HSD17B1: variants seen among roughly 807,000 people sequenced by gnomAD.
HSD17B1 encodes the protein 17-beta-hydroxysteroid dehydrogenase type 1.
Under a neutral mutation model 22.7 loss-of-function variants are expected in HSD17B1, and 16 were observed. The observed-to-expected ratio is 0.71, with a 90% CI of 0.48 to 1.07. The LOEUF (loss-of-function observed/expected upper bound fraction) is 1.07, where lower values mean the gene tolerates loss of function less well. Ranked by LOEUF, HSD17B1 falls within the 50% of genes least tolerant of loss-of-function variation. The probability of loss-of-function intolerance (pLI) is 0.00; values close to 1 mark genes in which losing one functional copy is unlikely to be tolerated. For missense variants in HSD17B1, 533 were observed against 459.9 expected (o/e 1.16, Z -1.45); for synonymous variants, 243 against 211.0 (o/e 1.15, Z -1.31).
Position 42,554,902 on chromosome 17 carries a change from C to A in HSD17B1, c.951C>A (p.Asp317Glu). 1 of 1,503,938 alleles carries A rather than the reference C, an allele frequency of 6.6e-7. No homozygotes were observed. Among genetic ancestry groups the A allele is most frequent in the Admixed American group, 2.3e-5 (1 of 42,680 alleles). The allele number at this position is 1,503,938 out of a possible 1,614,324, so 93.2% of individuals were successfully genotyped here. ...EDEAGRGAVG[D>E]PELGDPPAAP... Reference sequence around the variant, plus strand: ...AGGCCGGGCGCGGTGCGGTGGGGGACCCTGAGCTCGGCGATCCTCCGGCCG... The same window carrying A: ...AGGCCGGGCGCGGTGCGGTGGGGGAACCTGAGCTCGGCGATCCTCCGGCCG... The change falls in exon 6 of 6, where the codon GAC becomes GAA. Residue 317 changes from aspartate (D) to glutamate (E), a missense_variant. Asp to Glu is a conservative substitution (Grantham distance 45). Transcript: ENST00000585807.
intron 4 of HSD17B1, 24 bp downstream of exon 4, chr17:42,553,911 G>A (rs780199492): frequency 3.1e-6 from 5 of 1,592,816 alleles, no homozygotes; most frequent in Admixed American, 3.4e-5. Context: ...CCCGTTCCCC[G>A]AACCCTCTTA....
At position 42,553,149 on chromosome 17, in the gene HSD17B1, A is replaced by G; in HGVS notation, c.123A>G (p.Lys41=). 2 of 1,613,796 alleles carry G rather than the reference A, an allele frequency of 1.2e-6. No individual in the cohort carries two copies. Among genetic ancestry groups the G allele is most frequent in the Non-Finnish European group, 1.7e-6 (2 of 1,179,956 alleles). The part of the protein sequence containing the change: ...FKVYATLRDL[K]TQGRLWEAAR... ...TGTATGCCACGTTGAGGGACCTGAA[A>G]ACACAGGGCCGGCTGTGGGAGGCGG... Residue 41 remains lysine (K), a synonymous_variant, in exon 2 of 6, where the codon AAA becomes AAG. Coordinates refer to ENST00000585807, the MANE Select transcript of HSD17B1 (RefSeq NM_000413.4).
Position 42,554,547 on chromosome 17 carries a change from C to T in HSD17B1, c.682C>T (p.Arg228Cys), listed in dbSNP as rs1157126605. 6.2e-7 allele frequency: 1 copy of T among 1,613,958 alleles called. No individual in the cohort carries two copies. The highest frequency in any genetic ancestry group is 1.7e-5 in the Admixed American group (1 of 60,018). Residue 228 changes from arginine (R) to cysteine (C), a missense_variant, in exon 5 of 6, where the codon CGC becomes TGC. Coordinates refer to ENST00000585807, the MANE Select transcript of HSD17B1 (RefSeq NM_000413.4). ...CCTCGCCCACAGCAAGCAAGTCTTT[C>T]GCGAGGCGGCGCAGAACCCTGAGGA... is the stretch of plus-strand genomic sequence containing the variant. ...QYLAHSKQVF[R>C]EAAQNPEEVA... is the part of the protein sequence containing the mutation.
In HSD17B1 at chr17:42,554,924, G is replaced by A. The variant is rs1329811312; in HGVS notation, c.973G>A (p.Ala325Thr). The A allele has an allele frequency of 1.4e-6, 2 of 1,474,672 alleles. No homozygotes were observed. Among genetic ancestry groups the A allele is most frequent in the Non-Finnish European group, 8.9e-7 (1 of 1,121,592 alleles). The allele number at this position is 1,474,672 out of a possible 1,614,324, so 91.3% of individuals were successfully genotyped here. The change falls in exon 6 of 6, where the codon GCC becomes ACC. Residue 325 changes from alanine to threonine, a missense_variant. Coordinates refer to ENST00000585807, the MANE Select transcript of HSD17B1 (RefSeq NM_000413.4). ...GGACCCTGAGCTCGGCGATCCTCCGGCCGCCCCGCAGTAAAGGCTTCCTCA... is the reference window on the plus strand; with the variant it reads ...GGACCCTGAGCTCGGCGATCCTCCGACCGCCCCGCAGTAAAGGCTTCCTCA... The part of the protein sequence containing the change: ...VGDPELGDPP[A>T]APQ
Position 42,554,396 on chromosome 17 carries a change from G to T in HSD17B1, c.540-9G>T. 6.3e-7 allele frequency: 1 copy of T among 1,592,694 alleles called. No homozygotes were observed. On this transcript the variant is annotated splice_polypyrimidine_tract_variant and intron_variant, in intron 4 of 5. Transcript: ENST00000585807. ...CGCCCCCTCCCACTCGTTGCTCTCC[G>T]GCCAGCAGCTTGAGCCTGATCGAGT...
In HSD17B1 at chr17:42,554,293, G is replaced by C. The variant is rs2092954889; in HGVS notation, c.540-112G>C. Reference sequence around the variant, plus strand: ...CCGCCTCACTTCCCAGCGCAGCGGTGCTGCTCGCGGTCGGGGGCCGGGACG... The same window carrying C: ...CCGCCTCACTTCCCAGCGCAGCGGTCCTGCTCGCGGTCGGGGGCCGGGACG... On this transcript the variant is annotated intron_variant, in intron 4 of 5. Coordinates refer to ENST00000585807, the MANE Select transcript of HSD17B1 (RefSeq NM_000413.4). 8 of 1,399,170 alleles carry C rather than the reference G, an allele frequency of 5.7e-6. No individual in the cohort carries two copies. In the South Asian group the frequency reaches 1.1e-4, roughly 20 times the overall value. The allele number at this position is 1,399,170 out of a possible 1,614,324, so 86.7% of individuals were successfully genotyped here.
Position 42,553,218 on chromosome 17 carries a change from G to A in HSD17B1, c.192G>A (p.Gln64=), listed in dbSNP as rs1282050770. ...CTCCGGGATCCCTGGAGACGTTGCAGCTGGACGTAAGGGACTCAAAATCCG... is the reference window on the plus strand; with the variant it reads ...CTCCGGGATCCCTGGAGACGTTGCAACTGGACGTAAGGGACTCAAAATCCG... ...ACPPGSLETL[Q]LDVRDSKSVA... The change falls in exon 2 of 6, where the codon CAG becomes CAA. Residue 64 remains glutamine (Q), a synonymous_variant. Coordinates refer to ENST00000585807, the MANE Select transcript of HSD17B1 (RefSeq NM_000413.4). The A allele has an allele frequency of 6.2e-7, 1 of 1,613,708 alleles. No individual in the cohort carries two copies. The highest frequency in any genetic ancestry group is 8.5e-7 in the Non-Finnish European group (1 of 1,180,026).
intron 4 of HSD17B1, 148 bp from the exon 5 acceptor site, chr17:42,554,257 C>T: frequency 3.5e-6 from 4 of 1,146,078 alleles, no homozygotes; most frequent in Non-Finnish European, 4.8e-6. Context: ...TGGTTATCCC[C>T]AGCGCCCTTT....
Position 42,552,966 on chromosome 17 carries a change from T to C in HSD17B1, c.33T>C (p.Cys11=). The part of the protein sequence containing the change: MARTVVLITG[C]SSGIGLHLAV... ...GCACCGTGGTGCTCATCACCGGCTG[T>C]TCCTCGGGCATCGGCCTGCACTTGG... The change falls in exon 1 of 6, where the codon TGT becomes TGC. Residue 11 remains cysteine, a synonymous_variant. Coordinates refer to ENST00000585807, the MANE Select transcript of HSD17B1 (RefSeq NM_000413.4). The C allele has an allele frequency of 6.2e-7, 1 of 1,614,130 alleles. No homozygotes were observed. The highest frequency in any genetic ancestry group is 8.5e-7 in the Non-Finnish European group (1 of 1,180,008).
At chr17:42,554,648 G>T in intron 5 of HSD17B1, 21 bp from the exon 6 acceptor site, 1 of 1,605,448 alleles carries the variant, frequency 6.2e-7, no homozygotes, top group Non-Finnish European at 8.5e-7. Context: ...GGTGGCCACA[G>T]CTCTCCTCCC....
Position 42,554,599 on chromosome 17 carries a change from A to T in HSD17B1, c.717+17A>T. On this transcript the variant is annotated intron_variant, in intron 5 of 5. Coordinates refer to ENST00000585807, the MANE Select transcript of HSD17B1 (RefSeq NM_000413.4). ...GTGGCGGAGGTGAGCGCCGGGCTGGACTCCAGGAGTGGGGGCGGTGCGTCC... is the reference window on the plus strand; with the variant it reads ...GTGGCGGAGGTGAGCGCCGGGCTGGTCTCCAGGAGTGGGGGCGGTGCGTCC... The T allele has an allele frequency of 6.2e-7, 1 of 1,609,902 alleles. No homozygotes were observed. The highest frequency in any genetic ancestry group is 8.5e-7 in the Non-Finnish European group (1 of 1,178,084).
At chr17:42,554,621 G>T in intron 5 of HSD17B1, 39 bp downstream of exon 5, 1 of 1,606,804 alleles carries the variant, frequency 6.2e-7, no homozygotes, top group Non-Finnish European at 8.5e-7. Context: ...GGGGCGGTGC[G>T]TCCTCCGGCG....
rs1319255507 is a variant in HSD17B1, at chr17:42,554,814, T to A, written c.863T>A (p.Val288Asp). 5.6e-6 allele frequency: 9 copies of A among 1,600,938 alleles called. No individual in the cohort carries two copies. Among genetic ancestry groups the A allele is most frequent in the Non-Finnish European group, 7.6e-6 (9 of 1,179,536 alleles). ...ATGCACCGGGAAGTGTTCGGCGACG[T>A]TCCGGCAAAGGCCGAGGCTGGGGCC... ...TAMHREVFGD[V>D]PAKAEAGAEA... The change falls in exon 6 of 6, where the codon GTT (valine) becomes GAT (aspartate). Residue 288 changes from valine (V) to aspartate (D), a missense_variant. Coordinates refer to ENST00000585807, the MANE Select transcript of HSD17B1 (RefSeq NM_000413.4).
In HSD17B1 at chr17:42,553,112, C is replaced by G; in HGVS notation, c.98-12C>G. ...GGGAAGTCAGATCTTCCTCCTCTCC[C>G]AAAACCTCCAGTGTATGCCACGTTG... On this transcript the variant is annotated splice_polypyrimidine_tract_variant and intron_variant, in intron 1 of 5. Coordinates refer to ENST00000585807, the MANE Select transcript of HSD17B1 (RefSeq NM_000413.4). 1.2e-6 allele frequency: 2 copies of G among 1,613,944 alleles called. No individual in the cohort carries two copies. Among genetic ancestry groups the G allele is most frequent in the Non-Finnish European group, 1.7e-6 (2 of 1,180,008 alleles).
In HSD17B1 at chr17:42,554,851, C is replaced by A. The variant is rs765635070; in HGVS notation, c.900C>A (p.Gly300=). Residue 300 remains glycine, a synonymous_variant, in exon 6 of 6, where the codon GGC becomes GGA. Coordinates refer to ENST00000585807, the MANE Select transcript of HSD17B1 (RefSeq NM_000413.4). Reference sequence around the variant, plus strand: ...CCGAGGCTGGGGCCGAGGCTGGGGGCGGGGCCGGGCCTGGGGCAGAGGACG... The same window carrying A: ...CCGAGGCTGGGGCCGAGGCTGGGGGAGGGGCCGGGCCTGGGGCAGAGGACG... ...AKAEAGAEAG[G]GAGPGAEDEA... is the part of the protein sequence containing the mutation. 2 of 1,586,444 alleles carry A rather than the reference C, an allele frequency of 1.3e-6. No individual in the cohort carries two copies. The highest frequency in any genetic ancestry group is 2.3e-5 in the East Asian group (1 of 44,280).
Position 42,552,984 on chromosome 17 carries a change from G to C in HSD17B1, c.51G>C (p.Leu17=). 1 of 1,614,188 alleles carries C rather than the reference G, an allele frequency of 6.2e-7. No homozygotes were observed. The highest frequency in any genetic ancestry group is 8.5e-7 in the Non-Finnish European group (1 of 1,180,034). ...LITGCSSGIG[L]HLAVRLASDP... ...CCGGCTGTTCCTCGGGCATCGGCCT[G>C]CACTTGGCCGTACGTCTGGCTTCAG... The change falls in exon 1 of 6, where the codon CTG becomes CTC. Residue 17 remains leucine, a synonymous_variant. Transcript: ENST00000585807.
In HSD17B1 at chr17:42,554,130, A is replaced by G. The variant is rs554609084; in HGVS notation, c.539+243A>G. The G allele has an allele frequency of 1.9e-4, 119 of 636,348 alleles. 1 individual carries two copies. In the East Asian group the frequency reaches 3.1e-3, roughly 17 times the overall value. The allele number at this position is 636,348 out of a possible 1,614,324, so 39.4% of individuals were successfully genotyped here. On this transcript the variant is annotated intron_variant, in intron 4 of 5. Transcript: ENST00000585807. The stretch of plus-strand genomic sequence containing the variant: ...CCCAGAGAGGTTAGGTGACTGGCCC[A>G]AGGTCACACAGCGGCCAGGGACCCC...
intron 2 of HSD17B1, 25 bp from the exon 3 acceptor site, chr17:42,553,414 C>T (rs1445863861): frequency 6.2e-7 from 1 of 1,609,724 alleles, no homozygotes; most frequent in South Asian, 1.1e-5. Context: ...CTGAGGCGGG[C>T]TGGTCGGGCC....
Position 42,553,318 on chromosome 17 carries a change from C to A in HSD17B1, c.265+27C>A, listed in dbSNP as rs371269227. 1.6e-4 allele frequency: 258 copies of A among 1,602,938 alleles called. 1 individual carries two copies. The highest frequency in any genetic ancestry group is 1.9e-4 in the Non-Finnish European group (226 of 1,178,478). ...TGAGCCTCCTGGAAGCATATGGGCTCCTAGGAGCCTTCTCCGCCCTGCGTT... is the reference window on the plus strand; with the variant it reads ...TGAGCCTCCTGGAAGCATATGGGCTACTAGGAGCCTTCTCCGCCCTGCGTT... On this transcript the variant is annotated intron_variant, in intron 2 of 5. Coordinates refer to ENST00000585807, the MANE Select transcript of HSD17B1 (RefSeq NM_000413.4).
Sources: allele counts gnomAD v4.1 joint callset, GRCh38; gene constraint gnomAD v4.1.1; transcripts MANE v1.5; gene names NCBI Gene and HGNC (gene_info 2026-07-23, HGNC 2026-07-21).